Variants in CDADC1 observed in about 807,000 individuals in gnomAD.
CDADC1 encodes dCTP deaminase.
A neutral mutation model predicts 54.9 loss-of-function variants in CDADC1; 39 were observed. That is an observed-to-expected ratio of 0.71 (90% confidence interval 0.55 to 0.93). The LOEUF (loss-of-function observed/expected upper bound fraction) is 0.93, where lower values mean the gene tolerates loss of function less well. CDADC1 is among the 40% of genes least tolerant of loss of function. CDADC1 has a pLI of 0.00. For missense variants in CDADC1, 518 were observed against 618.8 expected (o/e 0.84, Z 1.73); for synonymous variants, 186 against 204.0 (o/e 0.91, Z 0.75).
At chr13:49,277,225 C>G (rs780918562) in intron 6 of CDADC1, among the ~76,000 whole-genome samples, 25 of 128,864 alleles carry the variant, frequency 1.9e-4, no homozygotes, top group Non-Finnish European at 3.3e-4. Context: ...TAATCCAGCA[C>G]TTTGGGAGGC....
intron 8 of CDADC1, among the ~76,000 whole-genome samples, chr13:49,280,959 G>A (rs1195131277): frequency 6.6e-6 from 1 of 151,520 alleles, no homozygotes; most frequent in Non-Finnish European, 1.5e-5. Context: ...TCAGCCCCCC[G>A]AGTAGCTGGG....
intron 4 of CDADC1, 67 bp from the exon 5 acceptor site, chr13:49,267,423 G>T (rs1555312473): frequency 4.7e-6 from 6 of 1,275,340 alleles, no homozygotes; most frequent in Non-Finnish European, 1.1e-6. Flanking sequence ...TGATAGGGTG[G>T]ATTTTATAAT....
At chr13:49,262,123 A>G (rs1461514120) in intron 4 of CDADC1, among the ~76,000 whole-genome samples, 1 of 152,184 alleles carries the variant, frequency 6.6e-6, no homozygotes, top group Non-Finnish European at 1.5e-5. Context: ...CTGATGGTCC[A>G]CGAGGTCAAT....
At chr13:49,252,849 C>T (rs533067503) in intron 2 of CDADC1, among the ~76,000 whole-genome samples, 20 of 152,264 alleles carry the variant, frequency 1.3e-4, no homozygotes, top group South Asian at 4.1e-4. Flanking sequence ...AGTAAGAATA[C>T]ATCTAAATTT....
chr13:49,289,456 C>T (rs538635703), intron 9 of CDADC1, among the ~76,000 whole-genome samples: 199 of 152,022 alleles, frequency 1.3e-3, no homozygotes, highest in African/African-American at 4.7e-3. Context: ...AAGCGTATGC[C>T]CTAGAGAAAC....
intron 5 of CDADC1, among the ~76,000 whole-genome samples, chr13:49,273,779 GAGA>G (rs1158106213): frequency 6.6e-6 from 1 of 152,210 alleles, no homozygotes; most frequent in Non-Finnish European, 1.5e-5. Flanking sequence ...ATGTTCGTAT[GAGA>G]AGTTTGAACT....
chr13:49,260,996 C>T (rs905908098), intron 4 of CDADC1, among the ~76,000 whole-genome samples: 1 of 152,100 alleles, frequency 6.6e-6, no homozygotes, highest in Admixed American at 6.5e-5. Context: ...ATGGAGTCAT[C>T]AAGTTGTAAG....
intron 2 of CDADC1, among the ~76,000 whole-genome samples, chr13:49,252,037 A>G (rs1170589323): frequency 6.6e-6 from 1 of 152,230 alleles, no homozygotes; most frequent in Non-Finnish European, 1.5e-5. Flanking sequence ...AAGTTATAAC[A>G]CATAGAAATG....
Position 49,253,793 on chromosome 13 carries a change from C to T in CDADC1, c.178-2046C>T, listed in dbSNP as rs555944200. On this transcript the variant is annotated intron_variant, in intron 2 of 9. Coordinates refer to ENST00000251108, the MANE Select transcript of CDADC1 (RefSeq NM_030911.4). The stretch of plus-strand genomic sequence containing the variant: ...AACTCCTGGGCTCAAGCAGTCCACC[C>T]GCCTCAGCCTCCCGAAGTGGTAGGA... Among the ~76,000 whole-genome samples, 4 of 152,200 alleles carry T rather than the reference C, an allele frequency of 2.6e-5. No homozygotes were observed. In the East Asian group the frequency reaches 5.8e-4, roughly 22 times the overall value.
Position 49,248,865 on chromosome 13 carries a change from T to C in CDADC1, c.83-6T>C. On this transcript the variant is annotated splice_region_variant and splice_polypyrimidine_tract_variant and intron_variant, in intron 1 of 9. Coordinates refer to ENST00000251108, the MANE Select transcript of CDADC1 (RefSeq NM_030911.4). The stretch of plus-strand genomic sequence containing the variant: ...AAGTTTAAAGTGTTTGTCGTCTCTT[T>C]TGTAGGTCAGATACCAAGGCTTTCT... The C allele has an allele frequency of 6.4e-7, 1 of 1,564,724 alleles. No homozygotes were observed. The highest frequency in any genetic ancestry group is 8.8e-7 in the Non-Finnish European group (1 of 1,134,946).
intron 2 of CDADC1, among the ~76,000 whole-genome samples, chr13:49,255,070 A>G (rs1247421944): frequency 6.6e-6 from 1 of 152,208 alleles, no homozygotes; most frequent in African/African-American, 2.4e-5. Context: ...CTAAAATCAA[A>G]GTGTTGGCAG....
At chr13:49,279,552 G>T (rs1953254576) in intron 7 of CDADC1, among the ~76,000 whole-genome samples, 1 of 152,178 alleles carries the variant, frequency 6.6e-6, no homozygotes, top group South Asian at 2.1e-4. Flanking sequence ...GACTGGACTC[G>T]AGAGGACTTT....
chr13:49,269,294 T>C (rs1371370813), intron 5 of CDADC1, among the ~76,000 whole-genome samples: 2 of 71,244 alleles, frequency 2.8e-5, no homozygotes, highest in African/African-American at 5.6e-5. Flanking sequence ...AAAGTACAGA[T>C]GCTATACTTT....
chr13:49,273,357 A>T (rs1471543133), intron 5 of CDADC1, among the ~76,000 whole-genome samples: 1 of 152,232 alleles, frequency 6.6e-6, no homozygotes, highest in African/African-American at 2.4e-5. Context: ...CTACGTGTAA[A>T]TGTGCCACTT....
intron 4 of CDADC1, among the ~76,000 whole-genome samples, chr13:49,263,666 G>A (rs1042336631): frequency 5.3e-5 from 8 of 152,104 alleles, no homozygotes; most frequent in East Asian, 1.9e-4. Flanking sequence ...GATAATTTTC[G>A]TATACTTCAA....
rs1953043103 is a variant in CDADC1 at position 49,274,319 on chromosome 13, C to T, written c.1029C>T (p.Val343=). Residue 343 remains valine, a synonymous_variant, in exon 6 of 10, where the codon GTC becomes GTT. Transcript: ENST00000251108. The part of the protein sequence containing the change: ...TEDHKTGVGA[V]IWAEGKSRSC... Reference sequence around the variant, plus strand: ...ATCATAAAACAGGAGTTGGGGCAGTCATTTGGGCAGAAGGGAAATCTGTAA... The same window carrying T: ...ATCATAAAACAGGAGTTGGGGCAGTTATTTGGGCAGAAGGGAAATCTGTAA... 1 of 1,611,136 alleles carries T rather than the reference C, an allele frequency of 6.2e-7. No homozygotes were observed. The highest frequency in any genetic ancestry group is 8.5e-7 in the Non-Finnish European group (1 of 1,177,958).
intron 8 of CDADC1, among the ~76,000 whole-genome samples, chr13:49,282,508 A>ACAT (rs747215344): frequency 4.6e-5 from 7 of 152,238 alleles, no homozygotes; most frequent in Non-Finnish European, 1.0e-4. Context: ...GAAGTTGTTG[A>ACAT]CATGATACCA....
chr13:49,274,825 C>T (rs909043816), intron 6 of CDADC1, among the ~76,000 whole-genome samples: 1 of 152,124 alleles, frequency 6.6e-6, no homozygotes, highest in African/African-American at 2.4e-5. Flanking sequence ...ACAGTGAATG[C>T]TGGGGATTAA....
Position 49,292,844 on chromosome 13 carries a change from G to A in CDADC1, c.*1087G>A. 3 of 1,229,888 alleles carry A rather than the reference G, an allele frequency of 2.4e-6. No homozygotes were observed. Among genetic ancestry groups the A allele is most frequent in the Non-Finnish European group, 3.2e-6 (3 of 947,136 alleles). The allele number at this position is 1,229,888 out of a possible 1,614,324, so 76.2% of individuals were successfully genotyped here. ...TCCTGGATCTGCGGTGGTCAGGTTTGCCTCTGCTTTTGTTCCCTGCCTTTC... is the reference window on the plus strand; with the variant it reads ...TCCTGGATCTGCGGTGGTCAGGTTTACCTCTGCTTTTGTTCCCTGCCTTTC... On this transcript the variant is annotated 3_prime_UTR_variant, in exon 10 of 10. Transcript: ENST00000251108.
Sources: gnomAD v4.1 joint callset for allele counts (sites outside exome capture counted in the v4.1 genomes callset) on GRCh38, gnomAD v4.1.1 for gene constraint, MANE v1.5 for transcripts, NCBI Gene and HGNC (gene_info 2026-07-23, HGNC 2026-07-21) for gene names.